The following MED13 variants were observed in gnomAD, a reference collection of about 807,000 sequenced individuals.
MED13 encodes mediator complex subunit 13, also known as mediator of RNA polymerase II transcription subunit 13.
In MED13, 23 loss-of-function variants were observed where a neutral mutation model predicts 225.2. The observed-to-expected ratio is 0.10, with a 90% confidence interval of 0.07 to 0.14. The LOEUF (loss-of-function observed/expected upper bound fraction) is 0.14. MED13 is among the 10% of genes least tolerant of loss of function. The pLI, the probability that MED13 is intolerant of heterozygous loss-of-function variation, is 1.00. For synonymous variants in MED13, 942 were observed against 889.2 expected (o/e 1.06, Z -1.06); for missense variants, 2,197 against 2,594.5 (o/e 0.85, Z 3.33).
At chr17:62,014,307 T>TA (rs2080540639) in intron 8 of MED13, among the ~76,000 whole-genome samples, 1 of 130,848 alleles carries the variant, frequency 7.6e-6, no homozygotes. Context: ...TCTGTATATG[T>TA]TTTTATATAT....
intron 17 of MED13, 101 bp downstream of exon 17, chr17:61,972,626 C>A: frequency 8.8e-7 from 1 of 1,132,842 alleles, no homozygotes; most frequent in Non-Finnish European, 1.2e-6. Flanking sequence ...GAATATATCA[C>A]AAATATATTT....
intron 8 of MED13, among the ~76,000 whole-genome samples, chr17:62,025,535 T>C (rs1410622915): frequency 1.3e-5 from 2 of 152,116 alleles, no homozygotes; most frequent in Middle Eastern, 3.2e-3. Flanking sequence ...CCAGGTATGG[T>C]GGCGCGTGCC....
At chr17:62,041,140 T>C (rs2080849004) in intron 3 of MED13, among the ~76,000 whole-genome samples, 1 of 152,170 alleles carries the variant, frequency 6.6e-6, no homozygotes, top group African/African-American at 2.4e-5. Flanking sequence ...CCAAATACCA[T>C]TTACAGATTA....
At chr17:62,003,114 A>C (rs1282412745) in intron 9 of MED13, among the ~76,000 whole-genome samples, 1 of 152,218 alleles carries the variant, frequency 6.6e-6, no homozygotes, top group African/African-American at 2.4e-5. Flanking sequence ...ACACAGAACA[A>C]TAATTCCAGG....
At chr17:62,008,545 C>G (rs1172671050) in intron 9 of MED13, among the ~76,000 whole-genome samples, 1 of 151,716 alleles carries the variant, frequency 6.6e-6, no homozygotes, top group Non-Finnish European at 1.5e-5. Context: ...AAAGCAATGC[C>G]TATGAGTTCA....
rs1177972371 is a variant in MED13 at position 61,944,103 on chromosome 17, T to C, written c.*2365A>G. The C allele has an allele frequency of 6.6e-6, 1 of 152,550 alleles. No homozygotes were observed. The highest frequency in any genetic ancestry group is 2.4e-5 in the African/African-American group (1 of 41,438). 9.4% of individuals were successfully genotyped at this position (152,550 alleles called of 1,614,324 possible). ...AAGGGAAGAAAAAAAATCTTATCAA[T>C]AAATCCTGTATATTTGGGAACTATT... On this transcript the variant is annotated 3_prime_UTR_variant, in exon 30 of 30. Coordinates refer to ENST00000397786, the MANE Select transcript of MED13 (RefSeq NM_005121.3).
At chr17:62,009,135 A>G (rs539528743) in intron 9 of MED13, among the ~76,000 whole-genome samples, 80 of 152,320 alleles carry the variant, frequency 5.3e-4, no homozygotes, top group African/African-American at 1.8e-3. Context: ...AGACAGTTCT[A>G]TTGAGCATAA....
chr17:62,051,162 G>C (rs2080953599), intron 3 of MED13, among the ~76,000 whole-genome samples: 4 of 152,120 alleles, frequency 2.6e-5, no homozygotes, highest in African/African-American at 7.2e-5. Flanking sequence ...CCAAATAAAA[G>C]ATATTTGTTT....
rs180995813 is a variant in MED13, at chr17:61,943,522, C to T, written c.*2946G>A. 5 of 152,428 alleles carry T rather than the reference C, an allele frequency of 3.3e-5. No homozygotes were observed. Among genetic ancestry groups the T allele is most frequent in the South Asian group, 4.1e-4 (2 of 4,830 alleles). The allele number at this position is 152,428 out of a possible 1,614,324, so 9.4% of individuals were successfully genotyped here. On this transcript the variant is annotated 3_prime_UTR_variant, in exon 30 of 30. Coordinates refer to ENST00000397786, the MANE Select transcript of MED13 (RefSeq NM_005121.3). ...TCTGTGCCATACTGACAATTGAGTA[C>T]GAATACAGCTGAGGATAGTTGACTA...
At chr17:62,015,223 T>A (rs576884945) in intron 8 of MED13, among the ~76,000 whole-genome samples, 1 of 152,362 alleles carries the variant, frequency 6.6e-6, no homozygotes, top group African/African-American at 2.4e-5. Flanking sequence ...ACGGTAGAAT[T>A]ATATTCATGT....
rs1195922424 is a variant in MED13, at chr17:61,946,902, G to A, written c.6392+15C>T. On this transcript the variant is annotated intron_variant, in intron 29 of 29. Coordinates refer to ENST00000397786, the MANE Select transcript of MED13 (RefSeq NM_005121.3). The stretch of plus-strand genomic sequence containing the variant: ...AAGTTGCAGTGACAAACTGTTAATG[G>A]TAAAAGAGTTGTACCTGAGGACATC... The A allele has an allele frequency of 4.4e-6, 7 of 1,580,412 alleles. No homozygotes were observed. The highest frequency in any genetic ancestry group is 1.1e-5 in the South Asian group (1 of 90,106).
At chr17:61,983,651 C>G (rs1421501203) in intron 15 of MED13, among the ~76,000 whole-genome samples, 2 of 151,334 alleles carry the variant, frequency 1.3e-5, no homozygotes, top group African/African-American at 4.9e-5. Context: ...AAATTGCAGC[C>G]CAAAAGAAAA....
At chr17:62,015,327 G>C (rs1271386967) in intron 8 of MED13, among the ~76,000 whole-genome samples, 1 of 152,092 alleles carries the variant, frequency 6.6e-6, no homozygotes, top group African/African-American at 2.4e-5. Context: ...CAAGAGCATA[G>C]CATAAGGATT....
At chr17:61,979,453 G>A (rs1237626159) in intron 16 of MED13, among the ~76,000 whole-genome samples, 1 of 151,978 alleles carries the variant, frequency 6.6e-6, no homozygotes, top group Non-Finnish European at 1.5e-5. Context: ...GAGACTACAG[G>A]TGCATGCTAC....
intron 8 of MED13, among the ~76,000 whole-genome samples, chr17:62,025,380 T>C (rs2143655215): frequency 6.6e-6 from 1 of 152,338 alleles, no homozygotes; most frequent in Admixed American, 6.5e-5. Context: ...AAAATCATTT[T>C]CAGTTGGCTG....
intron 3 of MED13, among the ~76,000 whole-genome samples, chr17:62,039,578 C>A (rs1452353085): frequency 1.3e-5 from 2 of 150,566 alleles, no homozygotes; most frequent in African/African-American, 4.9e-5. Flanking sequence ...ACCACCGCAC[C>A]CAGCCAAGAT....
At chr17:61,998,875 A>T (rs1293428479) in intron 9 of MED13, among the ~76,000 whole-genome samples, 1 of 150,622 alleles carries the variant, frequency 6.6e-6, no homozygotes, top group African/African-American at 2.4e-5. Flanking sequence ...CTGGGATTAC[A>T]GGTGTGAGCT....
intron 3 of MED13, among the ~76,000 whole-genome samples, chr17:62,044,673 C>T (rs907133898): frequency 6.6e-6 from 1 of 152,026 alleles, no homozygotes; most frequent in African/African-American, 2.4e-5. Context: ...TCTATATTGC[C>T]TTTTTTGAGA....
At chr17:62,011,473 A>G (rs994579583) in intron 8 of MED13, among the ~76,000 whole-genome samples, 1 of 152,176 alleles carries the variant, frequency 6.6e-6, no homozygotes, top group Admixed American at 6.5e-5. Flanking sequence ...TAGCCATGTG[A>G]TCAGACAGCC....
Sources: gnomAD v4.1 joint callset for allele counts (sites outside exome capture counted in the v4.1 genomes callset) on GRCh38, gnomAD v4.1.1 for gene constraint, MANE v1.5 for transcripts, NCBI Gene and HGNC (gene_info 2026-07-23, HGNC 2026-07-21) for gene names.